ELAVL1: variants seen among roughly 807,000 people sequenced by gnomAD.
ELAVL1 encodes the protein ELAV like RNA binding protein 1, also known as ELAV-like protein 1.
Under a neutral mutation model 28.4 loss-of-function variants are expected in ELAVL1, and 1 was observed. That is an observed-to-expected ratio of 0.04 (90% CI 0.01 to 0.17). The LOEUF is 0.17. Among genes scored for constraint, ELAVL1 ranks in the 10% least tolerant of loss-of-function variants. The pLI is 1.00. For missense variants in ELAVL1, 157 were observed against 447.2 expected (o/e 0.35, Z 5.85); for synonymous variants, 174 against 183.5 (o/e 0.95, Z 0.42).
chr19:7,975,360 G>A (rs1985252186), intron 3 of ELAVL1, among the ~76,000 whole-genome samples: 2 of 152,214 alleles, frequency 1.3e-5, no homozygotes, highest in Admixed American at 6.5e-5. Context: ...CAGAGGAGAA[G>A]TGCCCTAGAG....
intron 1 of ELAVL1, among the ~76,000 whole-genome samples, chr19:7,996,815 A>T (rs914318161): frequency 6.6e-6 from 1 of 152,158 alleles, no homozygotes; most frequent in Non-Finnish European, 1.5e-5. Context: ...TCCATCTCCA[A>T]AAACCAAAAA....
chr19:7,968,917 G>C (rs1396340470), intron 4 of ELAVL1, among the ~76,000 whole-genome samples: 1 of 152,174 alleles, frequency 6.6e-6, no homozygotes, highest in African/African-American at 2.4e-5. Flanking sequence ...TCCTTCTCTG[G>C]GGGCAAGGAC....
At chr19:7,998,819 G>A (rs1325632009) in intron 1 of ELAVL1, among the ~76,000 whole-genome samples, 1 of 151,896 alleles carries the variant, frequency 6.6e-6, no homozygotes, top group Non-Finnish European at 1.5e-5. Flanking sequence ...TTTTTCTTTT[G>A]AGAAAGGGTC....
At chr19:7,989,718 G>A (rs1186703005) in intron 2 of ELAVL1, among the ~76,000 whole-genome samples, 1 of 152,230 alleles carries the variant, frequency 6.6e-6, no homozygotes, top group Non-Finnish European at 1.5e-5. Context: ...GGAGAGAGAT[G>A]CTGGCTTCTA....
intron 2 of ELAVL1, among the ~76,000 whole-genome samples, chr19:7,988,400 ACATAACCCTCTGAG>A (rs1355720863): frequency 6.6e-6 from 1 of 152,166 alleles, no homozygotes; most frequent in African/African-American, 2.4e-5. Context: ...GAGGAGAATG[ACATAACCCTCTGAG>A]CATAACCCTC....
chr19:7,985,753 G>A (rs1761735989), intron 2 of ELAVL1, among the ~76,000 whole-genome samples: 3 of 152,250 alleles, frequency 2.0e-5, no homozygotes, highest in Admixed American at 2.0e-4. Context: ...TGGCAGGGAG[G>A]AATGCAGGAT....
Position 7,973,813 on chromosome 19 carries a change from C to T in ELAVL1, c.342G>A (p.Pro114=), listed in dbSNP as rs41379445. The T allele has an allele frequency of 1.5e-5, 24 of 1,613,996 alleles. No homozygotes were observed. Among genetic ancestry groups the T allele is most frequent in the East Asian group, 6.7e-5 (3 of 44,890 alleles). The change falls in exon 4 of 6, where the codon CCG becomes CCA. Residue 114 remains proline (P), a synonymous_variant. Coordinates refer to ENST00000407627, the MANE Select transcript of ELAVL1 (RefSeq NM_001419.3). Reference sequence around the variant, plus strand: ...CTACGTCCTTCTGGGTCATGGTCCGCGGGAGCCCGCTGATGTACAAGTTGG... The same window carrying T: ...CTACGTCCTTCTGGGTCATGGTCCGTGGGAGCCCGCTGATGTACAAGTTGG... ...KDANLYISGL[P]RTMTQKDVED...
intron 1 of ELAVL1, among the ~76,000 whole-genome samples, chr19:7,999,445 C>T (rs948754328): frequency 1.3e-5 from 2 of 152,228 alleles, no homozygotes; most frequent in African/African-American, 4.8e-5. Context: ...TGCCTCCATG[C>T]CATTGCTGTA....
intron 1 of ELAVL1, among the ~76,000 whole-genome samples, chr19:7,993,044 C>T (rs555498361): frequency 2.6e-5 from 4 of 152,180 alleles, no homozygotes; most frequent in African/African-American, 9.6e-5. Flanking sequence ...GCTAGGATTA[C>T]GGGCATGAGC....
At chr19:7,989,400 G>T (rs1599676481) in intron 2 of ELAVL1, among the ~76,000 whole-genome samples, 1 of 152,218 alleles carries the variant, frequency 6.6e-6, no homozygotes, top group Non-Finnish European at 1.5e-5. Context: ...CCTCCGAACT[G>T]AAATAATTTC....
chr19:7,999,734 C>T (rs1015290752), intron 1 of ELAVL1, among the ~76,000 whole-genome samples: 5 of 152,050 alleles, frequency 3.3e-5, no homozygotes, highest in African/African-American at 1.2e-4. Flanking sequence ...AGGTGCGTGT[C>T]ACTACGTAGT....
Position 7,973,731 on chromosome 19 carries a change from T to C in ELAVL1, c.424A>G (p.Thr142Ala). 1 of 1,613,988 alleles carries C rather than the reference T, an allele frequency of 6.2e-7. No homozygotes were observed. The highest frequency in any genetic ancestry group is 8.5e-7 in the Non-Finnish European group (1 of 1,179,930). ...IINSRVLVDQTTGLSRGVAFI... is the reference protein window; with the variant it reads ...IINSRVLVDQATGLSRGVAFI... The stretch of plus-strand genomic sequence containing the variant: ...TCTGGGGCCCCTCTGGTACCTGTAG[T>C]CTGATCCACGAGGACCCGCGAGTTG... The change falls in exon 4 of 6, where the codon ACT becomes GCT. Residue 142 changes from threonine (T) to alanine (A), a missense_variant. By Grantham distance (58) the Thr-to-Ala change is moderately conservative. This residue lies in a region of ELAVL1 where 107 missense variants were observed against 310.4 expected (regional missense o/e 0.34). Transcript: ENST00000407627.
At chr19:7,967,025 C>CTTT (rs770671359) in intron 5 of ELAVL1, among the ~76,000 whole-genome samples, 1 of 140,576 alleles carries the variant, frequency 7.1e-6, no homozygotes, top group Non-Finnish European at 1.6e-5. Flanking sequence ...CTGGTGCTGT[C>CTTT]TTTTTTTTTT....
chr19:7,991,937 T>C (rs1255040415), intron 1 of ELAVL1, 106 bp from the exon 2 acceptor site: 6 of 1,048,422 alleles, frequency 5.7e-6, no homozygotes, highest in Admixed American at 3.4e-5. Context: ...TCTTTCTTTT[T>C]TTTTTTTTTT....
In ELAVL1 at chr19:7,986,581, C is replaced by T. The variant is rs116643054; in HGVS notation, c.172+5063G>A. ...AAGCGTCCCCTAGAGAGCGAGTTAG[C>T]GACAGGGACCAAGAGCCTTTAAAAG... On this transcript the variant is annotated intron_variant, in intron 2 of 5. Coordinates refer to ENST00000407627, the MANE Select transcript of ELAVL1 (RefSeq NM_001419.3). 2.4e-3 allele frequency among the ~76,000 whole-genome samples: 370 copies of T among 152,250 alleles called. 1 individual carries two copies. Among genetic ancestry groups the T allele is most frequent in the African/African-American group, 8.0e-3 (334 of 41,524 alleles).
intron 1 of ELAVL1, 88 bp from the exon 2 acceptor site, chr19:7,991,919 AT>A: frequency 1.1e-6 from 1 of 905,932 alleles, no homozygotes; most frequent in Non-Finnish European, 1.5e-6. Flanking sequence ...GCACTTAGAG[AT>A]TTTCTTTCTT....
intron 4 of ELAVL1, among the ~76,000 whole-genome samples, chr19:7,968,379 C>T (rs1355253789): frequency 6.6e-6 from 1 of 152,244 alleles, no homozygotes; most frequent in Admixed American, 6.5e-5. Flanking sequence ...CCCCTGCCAG[C>T]TCCATGCTGC....
At chr19:7,972,311 T>C (rs1166578139) in intron 4 of ELAVL1, among the ~76,000 whole-genome samples, 1 of 152,202 alleles carries the variant, frequency 6.6e-6, no homozygotes, top group Admixed American at 6.5e-5. Context: ...GTTCCTAGCC[T>C]AGTGCGGCAG....
intron 4 of ELAVL1, among the ~76,000 whole-genome samples, chr19:7,969,454 CAG>C (rs1290272502): frequency 1.3e-5 from 2 of 152,160 alleles, no homozygotes; most frequent in Non-Finnish European, 2.9e-5. Context: ...CCCGTGAGCA[CAG>C]AGACAGCAGC....
Sources: gnomAD v4.1 joint callset for allele counts (sites outside exome capture counted in the v4.1 genomes callset) on GRCh38, gnomAD v4.1.1 for gene constraint, gnomAD v4.1.1 regional missense constraint, MANE v1.5 for transcripts, NCBI Gene and HGNC (gene_info 2026-07-23, HGNC 2026-07-21) for gene names.